GABRG3: variants seen among roughly 807,000 people sequenced by gnomAD.
The protein encoded by GABRG3 is gamma-aminobutyric acid receptor subunit gamma-3.
A neutral mutation model predicts 48.8 loss-of-function variants in GABRG3; 25 were observed. That is an observed-to-expected ratio of 0.51 (90% CI 0.37 to 0.72). GABRG3 has a LOEUF of 0.72. Among genes scored for constraint, GABRG3 ranks in the 30% least tolerant of loss-of-function variants. GABRG3 has a pLI of 0.00. For missense variants in GABRG3, 394 were observed against 577.9 expected (o/e 0.68, Z 3.26); for synonymous variants, 227 against 217.6 (o/e 1.04, Z -0.38).
At chr15:27,374,146 T>C (rs1181471149) in intron 5 of GABRG3, among the ~76,000 whole-genome samples, 5 of 144,002 alleles carry the variant, frequency 3.5e-5, no homozygotes, top group African/African-American at 1.3e-4. Context: ...TTCTTTTTTT[T>C]TTTTTTTTTT....
intron 5 of GABRG3, among the ~76,000 whole-genome samples, chr15:27,403,079 C>A (rs1887520966): frequency 6.6e-6 from 1 of 151,314 alleles, no homozygotes; most frequent in Admixed American, 6.6e-5. Context: ...GAACAGTGAA[C>A]CAGAAACAAT....
chr15:27,300,917 A>G (rs746145753), intron 3 of GABRG3, among the ~76,000 whole-genome samples: 1 of 152,136 alleles, frequency 6.6e-6, no homozygotes, highest in Non-Finnish European at 1.5e-5. Context: ...CGGTAAGCCA[A>G]GATCGCACCA....
At chr15:27,452,951 T>C (rs777593331) in intron 5 of GABRG3, among the ~76,000 whole-genome samples, 4 of 152,202 alleles carry the variant, frequency 2.6e-5, no homozygotes, top group Admixed American at 6.5e-5. Flanking sequence ...ACAGGAATAC[T>C]ATTCAGTCTT....
intron 5 of GABRG3, 44 bp from the exon 6 acceptor site, chr15:27,480,606 T>C (rs765768282): frequency 2.7e-6 from 4 of 1,497,942 alleles, no homozygotes; most frequent in South Asian, 1.2e-5. Context: ...TAATGATTTA[T>C]AAATGTGTAC....
At chr15:27,213,648 C>T (rs577044262) in intron 3 of GABRG3, among the ~76,000 whole-genome samples, 6 of 152,232 alleles carry the variant, frequency 3.9e-5, no homozygotes, top group Non-Finnish European at 8.8e-5. Flanking sequence ...TGCAGGGGCT[C>T]ATCCAAAACA....
At chr15:27,310,470 TAA>T (rs1407829802) in intron 3 of GABRG3, among the ~76,000 whole-genome samples, 4 of 151,950 alleles carry the variant, frequency 2.6e-5, no homozygotes, top group African/African-American at 9.7e-5. Context: ...TGAGAGAAAT[TAA>T]AAGAGACCTA....
intron 3 of GABRG3, among the ~76,000 whole-genome samples, chr15:27,089,807 C>T (rs1897154288): frequency 6.6e-6 from 1 of 152,238 alleles, no homozygotes; most frequent in Admixed American, 6.5e-5. Context: ...TGGCCTCCCT[C>T]TTGTGACTGG....
intron 3 of GABRG3, among the ~76,000 whole-genome samples, chr15:27,066,090 G>A (rs553868672): frequency 6.6e-6 from 1 of 152,290 alleles, no homozygotes; most frequent in African/African-American, 2.4e-5. Flanking sequence ...TTGGCTGTTT[G>A]CAATGATTAA....
intron 3 of GABRG3, among the ~76,000 whole-genome samples, chr15:27,165,449 C>T (rs779498940): frequency 6.6e-5 from 10 of 152,142 alleles, no homozygotes; most frequent in Non-Finnish European, 1.5e-4. Context: ...CTGGTCAATC[C>T]AGGTTCTAGT....
chr15:27,500,879 G>A (rs1201665704), intron 6 of GABRG3, among the ~76,000 whole-genome samples: 4 of 151,406 alleles, frequency 2.6e-5, no homozygotes, highest in African/African-American at 9.7e-5. Flanking sequence ...TATATAAGGG[G>A]GAATGGAAAG....
chr15:27,296,853 T>C (rs1892004147), intron 3 of GABRG3, among the ~76,000 whole-genome samples: 1 of 152,106 alleles, frequency 6.6e-6, no homozygotes, highest in Non-Finnish European at 1.5e-5. Context: ...TTCTACTTTT[T>C]TTTTTTTTTA....
chr15:27,523,659 A>G (rs113639240), intron 7 of GABRG3, among the ~76,000 whole-genome samples: 4 of 152,060 alleles, frequency 2.6e-5, no homozygotes, highest in African/African-American at 9.6e-5. Context: ...CTCCACAAAG[A>G]AATAGAGGAT....
chr15:27,346,117 A>G (rs1347925771), intron 5 of GABRG3, among the ~76,000 whole-genome samples: 5 of 147,476 alleles, frequency 3.4e-5, no homozygotes, highest in African/African-American at 1.0e-4. Flanking sequence ...GAGAAAGGAA[A>G]GAAAGAGAAA....
intron 3 of GABRG3, among the ~76,000 whole-genome samples, chr15:27,165,565 C>T (rs77665890): frequency 0.023 from 3,493 of 152,098 alleles, 137 homozygotes; most frequent in African/African-American, 0.08. Flanking sequence ...GCTCCTTCTG[C>T]CTTTCCTCTT....
Position 27,121,420 on chromosome 15 carries a change from G to A in GABRG3, c.270+94599G>A, listed in dbSNP as rs148507318. Among the ~76,000 whole-genome samples, 406 of 152,284 alleles carry A rather than the reference G, an allele frequency of 2.7e-3. 3 individuals are homozygous for A. Among genetic ancestry groups the A allele is most frequent in the Middle Eastern group, 0.02 (6 of 294 alleles). ...AACTTCCCTTCGGCGATACCACCCT[G>A]GTTCCATCATGTCTAATTTCCCTTT... On this transcript the variant is annotated intron_variant, in intron 3 of 9. Transcript: ENST00000615808.
chr15:27,021,150 C>T (rs560925412), intron 2 of GABRG3, among the ~76,000 whole-genome samples: 3 of 151,986 alleles, frequency 2.0e-5, no homozygotes, highest in Non-Finnish European at 2.9e-5. Flanking sequence ...TAAATTAACA[C>T]GTGTCCTAAA....
intron 5 of GABRG3, among the ~76,000 whole-genome samples, chr15:27,449,060 T>G (rs1889030511): frequency 6.6e-6 from 1 of 152,280 alleles, no homozygotes; most frequent in Non-Finnish European, 1.5e-5. Context: ...CCAAAATGTG[T>G]TTGTGACAGA....
intron 4 of GABRG3, among the ~76,000 whole-genome samples, 176 bp from the exon 5 acceptor site, chr15:27,328,630 C>T (rs1893698581): frequency 6.6e-6 from 1 of 152,212 alleles, no homozygotes; most frequent in Non-Finnish European, 1.5e-5. Context: ...AATAACCCAA[C>T]ATGAAAGCAA....
intron 5 of GABRG3, among the ~76,000 whole-genome samples, chr15:27,387,197 ATG>A (rs1281385176): frequency 1.3e-5 from 2 of 151,214 alleles, no homozygotes; most frequent in African/African-American, 4.9e-5. Context: ...CAAGGCTACC[ATG>A]TGTGATCTCT....
Sources: allele counts gnomAD v4.1 joint callset (sites outside exome capture counted in the v4.1 genomes callset), GRCh38; gene constraint gnomAD v4.1.1; transcripts MANE v1.5; gene names NCBI Gene and HGNC (gene_info 2026-07-23, HGNC 2026-07-21).